RIMS2: variants seen among roughly 807,000 people sequenced by gnomAD.
RIMS2 encodes regulating synaptic membrane exocytosis protein 2.
In RIMS2, 59 loss-of-function variants were observed where a neutral mutation model predicts 174.4. That is an observed-to-expected ratio of 0.34 (90% CI 0.27 to 0.42). The LOEUF is 0.42. RIMS2 is among the 10% of genes least tolerant of loss of function. The pLI is 1.00. For synonymous variants in RIMS2, 606 were observed against 572.5 expected (o/e 1.06, Z -0.84); for missense variants, 1,620 against 1,666.3 (o/e 0.97, Z 0.48).
intron 1 of RIMS2, among the ~76,000 whole-genome samples, chr8:103,571,687 A>T (rs571972951): frequency 6.6e-6 from 1 of 152,292 alleles, no homozygotes; most frequent in East Asian, 1.9e-4. Flanking sequence ...AAAAGAACTC[A>T]CCTTACACTA....
intron 3 of RIMS2, among the ~76,000 whole-genome samples, chr8:103,859,306 G>A (rs1271471876): frequency 6.6e-6 from 1 of 152,178 alleles, no homozygotes; most frequent in Admixed American, 6.5e-5. Context: ...AGCAATCTGA[G>A]TAATAAATCT....
chr8:103,847,737 A>G (rs2098975245), intron 3 of RIMS2, among the ~76,000 whole-genome samples: 1 of 152,038 alleles, frequency 6.6e-6, no homozygotes, highest in African/African-American at 2.4e-5. Flanking sequence ...GGGTGGAATC[A>G]TGTTGAGGTT....
At chr8:103,974,026 G>A (rs2093182142) in intron 15 of RIMS2, among the ~76,000 whole-genome samples, 1 of 152,124 alleles carries the variant, frequency 6.6e-6, no homozygotes, top group Admixed American at 6.5e-5. Flanking sequence ...AAAAATCCAG[G>A]CCTCTTACCT....
At chr8:103,568,265 T>A (rs1244087145) in intron 1 of RIMS2, among the ~76,000 whole-genome samples, 1 of 152,030 alleles carries the variant, frequency 6.6e-6, no homozygotes, top group Admixed American at 6.6e-5. Context: ...GCTGCTGCAC[T>A]CCAGCCTGGG....
chr8:103,608,667 A>G (rs1428207745), intron 1 of RIMS2, among the ~76,000 whole-genome samples: 3 of 151,636 alleles, frequency 2.0e-5, no homozygotes, highest in Admixed American at 6.6e-5. Context: ...GGACCCTCTG[A>G]GCCATGTGCA....
chr8:103,954,845 A>C (rs571299924), intron 14 of RIMS2, among the ~76,000 whole-genome samples: 1 of 152,174 alleles, frequency 6.6e-6, no homozygotes, highest in Non-Finnish European at 1.5e-5. Flanking sequence ...AACAAAACAG[A>C]CTACTAGCCA....
intron 2 of RIMS2, among the ~76,000 whole-genome samples, chr8:103,728,310 A>T (rs2097547992): frequency 6.6e-6 from 1 of 152,096 alleles, no homozygotes; most frequent in African/African-American, 2.4e-5. Flanking sequence ...TACTGAATTT[A>T]TCAGTTTGAA....
At chr8:103,944,015 A>G (rs542562327) in intron 14 of RIMS2, among the ~76,000 whole-genome samples, 2 of 152,264 alleles carry the variant, frequency 1.3e-5, no homozygotes, top group Non-Finnish European at 2.9e-5. Flanking sequence ...CTTGATTAGT[A>G]GAGAATTAGA....
intron 1 of RIMS2, among the ~76,000 whole-genome samples, chr8:103,550,060 TAAC>T (rs1348171016): frequency 3.3e-5 from 5 of 152,052 alleles, no homozygotes; most frequent in Admixed American, 1.3e-4. Context: ...GAGAGAAAGT[TAAC>T]AAGGATATCC....
At chr8:104,166,248 A>G (rs1311667704) in intron 19 of RIMS2, among the ~76,000 whole-genome samples, 2 of 151,338 alleles carry the variant, frequency 1.3e-5, no homozygotes, top group Non-Finnish European at 3.0e-5. Context: ...TTGTATTTTT[A>G]GTAGAGGCGG....
intron 1 of RIMS2, among the ~76,000 whole-genome samples, chr8:103,525,100 G>A (rs1222042623): frequency 6.6e-6 from 1 of 152,166 alleles, no homozygotes; most frequent in Non-Finnish European, 1.5e-5. Flanking sequence ...ACAGGAAGAA[G>A]TTACAAAATA....
At chr8:104,242,984 A>G (rs1255079256) in intron 19 of RIMS2, among the ~76,000 whole-genome samples, 1 of 152,172 alleles carries the variant, frequency 6.6e-6, no homozygotes, top group Non-Finnish European at 1.5e-5. Context: ...GTTAGCCTCC[A>G]TTGATGAGCC....
chr8:104,067,330 A>G (rs866046456), intron 19 of RIMS2, among the ~76,000 whole-genome samples: 1 of 152,194 alleles, frequency 6.6e-6, no homozygotes, highest in South Asian at 2.1e-4. Context: ...GTAGTATATG[A>G]TCGAGATTTT....
chr8:104,102,732 T>C (rs1407007411), intron 19 of RIMS2, among the ~76,000 whole-genome samples: 1 of 152,156 alleles, frequency 6.6e-6, no homozygotes, highest in Non-Finnish European at 1.5e-5. Context: ...GGAAATGCCC[T>C]TTATAAAACC....
At chr8:104,004,377 C>T (rs563212293) in intron 17 of RIMS2, among the ~76,000 whole-genome samples, 5 of 151,838 alleles carry the variant, frequency 3.3e-5, no homozygotes, top group African/African-American at 4.8e-5. Flanking sequence ...AGTGGAATGA[C>T]GAGAGCTAAA....
At chr8:104,120,789 A>C (rs181686940) in intron 19 of RIMS2, among the ~76,000 whole-genome samples, 1 of 152,318 alleles carries the variant, frequency 6.6e-6, no homozygotes, top group East Asian at 1.9e-4. Flanking sequence ...ATTATTCCCT[A>C]TCAAGACATA....
chr8:103,849,347 T>A (rs771577893), intron 3 of RIMS2, among the ~76,000 whole-genome samples: 2 of 152,072 alleles, frequency 1.3e-5, no homozygotes, highest in Non-Finnish European at 2.9e-5. Context: ...GACAGGGATT[T>A]CTGTACACAT....
chr8:103,683,527 G>A (rs1225231001), intron 1 of RIMS2, among the ~76,000 whole-genome samples: 1 of 152,168 alleles, frequency 6.6e-6, no homozygotes, highest in Non-Finnish European at 1.5e-5. Context: ...TGGCAGGGAC[G>A]TTCAAACCAT....
At chr8:103,819,771 A>C (rs1414544659) in intron 3 of RIMS2, 2 of 582,950 alleles carry the variant, frequency 3.4e-6, no homozygotes, top group East Asian at 6.3e-5. Context: ...TTTATATAGC[A>C]TTCTTAATTT....
Sources: gnomAD v4.1 joint callset for allele counts (sites outside exome capture counted in the v4.1 genomes callset) on GRCh38, gnomAD v4.1.1 for gene constraint, MANE v1.5 for transcripts, NCBI Gene and HGNC (gene_info 2026-07-23, HGNC 2026-07-21) for gene names.